The following CDH23 variants were observed in gnomAD, a reference collection of about 807,000 sequenced individuals.
CDH23 encodes the protein cadherin related 23, also known as cadherin-23.
In CDH23, 189 loss-of-function variants were observed where a neutral mutation model predicts 317.1. That is an observed-to-expected ratio of 0.60 (90% CI 0.53 to 0.67). The LOEUF is 0.67. Among genes scored for constraint, CDH23 ranks in the 30% least tolerant of loss-of-function variants. CDH23 has a pLI of 0.00. For synonymous variants in CDH23, 1,839 were observed against 1,876.8 expected (o/e 0.98, Z 0.52); for missense variants, 4,401 against 4,592.4 (o/e 0.96, Z 1.20).
intron 48 of CDH23, chr10:71,795,893 C>A (rs1841389078): frequency 1.0e-6 from 1 of 986,620 alleles, no homozygotes; most frequent in Admixed American, 6.1e-5. Flanking sequence ...TGCCTCACCC[C>A]ATTGCCTTCC....
Position 71,732,268 on chromosome 10 carries a change from G to T in CDH23, c.3997G>T (p.Val1333Leu). 6.2e-7 allele frequency: 1 copy of T among 1,613,620 alleles called. No homozygotes were observed. Among genetic ancestry groups the T allele is most frequent in the Non-Finnish European group, 8.5e-7 (1 of 1,179,722 alleles). Residue 1333 changes from valine (V) to leucine (L), a missense_variant, in exon 32 of 70, where the codon GTG (valine) becomes TTG (leucine). Physicochemically the swap from Val to Leu is conservative, Grantham distance 32. Coordinates refer to ENST00000224721, the MANE Select transcript of CDH23 (RefSeq NM_022124.6). ...LENLALGTEI[V>L]RVQAYSIDNL... ...GAATCTGGCACTGGGTACTGAGATT[G>T]TGCGGGTCCAGGCCTACTCCATCGA...
At chr10:71,697,033 C>A (rs1225243336) in intron 22 of CDH23, among the ~76,000 whole-genome samples, 1 of 152,216 alleles carries the variant, frequency 6.6e-6, no homozygotes. Flanking sequence ...TGGGAAATTC[C>A]TCCCAAAGGG....
At chr10:71,759,403 A>G (rs1840237688) in intron 38 of CDH23, among the ~76,000 whole-genome samples, 1 of 152,016 alleles carries the variant, frequency 6.6e-6, no homozygotes, top group African/African-American at 2.4e-5. Context: ...GCTACTTGGG[A>G]GAATGAAGCA....
intron 14 of CDH23, among the ~76,000 whole-genome samples, chr10:71,650,036 T>C (rs1863091692): frequency 2.6e-5 from 4 of 152,192 alleles, no homozygotes. Flanking sequence ...CCTAGTCCTT[T>C]CAGCAACCTT....
In CDH23 at chr10:71,809,830, C is replaced by T. The variant is rs781649648; in HGVS notation, c.8733C>T (p.Asp2911=). ...VGQVFTMGSM[D]GILRTFDLFM... ...TTGGGCTTCCTGCAGGGAGCATGGA[C>T]GGCATTCTGCGCACCTTCGACCTCT... Residue 2911 remains aspartate (D), a synonymous_variant, in exon 61 of 70, where the codon GAC becomes GAT. Coordinates refer to ENST00000224721, the MANE Select transcript of CDH23 (RefSeq NM_022124.6). The T allele has an allele frequency of 2.2e-5, 35 of 1,612,064 alleles. No individual in the cohort carries two copies. The highest frequency in any genetic ancestry group is 5.0e-5 in the Admixed American group (3 of 59,984).
chr10:71,560,219 T>A (rs1047564042), intron 6 of CDH23, among the ~76,000 whole-genome samples: 2 of 152,228 alleles, frequency 1.3e-5, no homozygotes, highest in Admixed American at 6.5e-5. Context: ...GAAGTGCAGA[T>A]GTTTCTCCTC....
intron 20 of CDH23, among the ~76,000 whole-genome samples, chr10:71,693,487 T>A (rs1865260525): frequency 6.6e-6 from 1 of 152,206 alleles, no homozygotes; most frequent in Non-Finnish European, 1.5e-5. Flanking sequence ...GGAAATTATT[T>A]TATAACTATT....
chr10:71,397,256 G>A lies in CDH23; in HGVS notation c.-68G>A. On this transcript the variant is annotated 5_prime_UTR_variant, in exon 1 of 70. Coordinates refer to ENST00000224721, the MANE Select transcript of CDH23 (RefSeq NM_022124.6). The surrounding 1 kb of genome is among the most constrained non-coding windows in gnomAD (Gnocchi z 4.8). ...CCAGAGCAGGCGGCCCGCGGGGGCC[G>A]ATCCGGCGGAGAGCAGAGCCCGAGG... The A allele has an allele frequency of 5.1e-6, 1 of 194,958 alleles. No homozygotes were observed. Among genetic ancestry groups the A allele is most frequent in the South Asian group, 6.1e-5 (1 of 16,382 alleles). The allele number at this position is 194,958 out of a possible 1,614,324, so 12.1% of individuals were successfully genotyped here.
rs1348305199 is a variant in CDH23, at chr10:71,550,569, A to AT, written c.430-16173_430-16172insT. On this transcript the variant is annotated intron_variant, in intron 6 of 69. Coordinates refer to ENST00000224721, the MANE Select transcript of CDH23 (RefSeq NM_022124.6). Reference sequence around the variant, plus strand: ...AGTGAGACCCTGTCTCAAAAAAAAAAAAAAAAAAGAAAAAAGAAAAAGAAA... The same window carrying AT: ...AGTGAGACCCTGTCTCAAAAAAAAAATAAAAAAAAGAAAAAAGAAAAAGAAA... Among the ~76,000 whole-genome samples the AT allele has an allele frequency of 2.7e-5, 3 of 112,750 alleles. No homozygotes were observed. In the East Asian group the frequency reaches 1.9e-3, roughly 71 times the overall value. The allele number at this position is 112,750 out of a possible 152,430, so 74.0% of individuals were successfully genotyped here. A position where few individuals can be genotyped will look rare whatever the true frequency, so the allele number is the denominator to read the frequency against.
At chr10:71,699,016 G>T (rs1865492089) in intron 22 of CDH23, among the ~76,000 whole-genome samples, 1 of 152,180 alleles carries the variant, frequency 6.6e-6, no homozygotes, top group Admixed American at 6.5e-5. Flanking sequence ...AGCGCTTACT[G>T]AGCCAAGACA....
rs1487669102 is a variant in CDH23, at chr10:71,746,947, G to A, written c.4845+5026G>A. Among the ~76,000 whole-genome samples the A allele has an allele frequency of 3.3e-5, 5 of 152,192 alleles. No individual in the cohort carries two copies. The East Asian group carries it at 9.6e-4, about 29-fold the overall frequency. On this transcript the variant is annotated intron_variant, in intron 38 of 69. Coordinates refer to ENST00000224721, the MANE Select transcript of CDH23 (RefSeq NM_022124.6). ...TACACCTCATGTCTTTAGAGCAGAG[G>A]CCCCTTCTGTTTATTAGACTTGGAC...
At position 71,809,858 on chromosome 10, in the gene CDH23, A is replaced by G. The variant is rs1430686655; in HGVS notation, c.8761A>G (p.Met2921Val). 1 of 1,613,234 alleles carries G rather than the reference A, an allele frequency of 6.2e-7. No homozygotes were observed. The highest frequency in any genetic ancestry group is 1.3e-5 in the African/African-American group (1 of 74,912). Residue 2921 changes from methionine (M) to valine (V), a missense_variant, in exon 61 of 70, where the codon ATG (methionine) becomes GTG (valine). Met to Val is a conservative substitution (Grantham distance 21). Around this residue, in one of 3 missense-constraint regions of CDH23, gnomAD observed 1,144 missense variants for 1,138.2 expected, o/e 1.01. Transcript: ENST00000224721. ...CATTCTGCGCACCTTCGACCTCTTC[A>G]TGGCCTACAGCCCCGGCTACTTCGT... Reference protein sequence around the residue: ...DGILRTFDLFMAYSPGYFVVD... With the variant: ...DGILRTFDLFVAYSPGYFVVD...
At chr10:71,594,788 C>T (rs911031622) in intron 9 of CDH23, among the ~76,000 whole-genome samples, 1 of 152,202 alleles carries the variant, frequency 6.6e-6, no homozygotes, top group Non-Finnish European at 1.5e-5. Flanking sequence ...ACACACTCTG[C>T]ATCAGTTAGA....
chr10:71,800,037 G>A (rs1278439687), intron 52 of CDH23, among the ~76,000 whole-genome samples: 1 of 152,252 alleles, frequency 6.6e-6, no homozygotes, highest in Non-Finnish European at 1.5e-5. Context: ...CTCAGTGCTG[G>A]GGAAGGGAGG....
intron 3 of CDH23, among the ~76,000 whole-genome samples, chr10:71,505,691 C>A (rs183274173): frequency 1.3e-5 from 2 of 152,206 alleles, no homozygotes; most frequent in African/African-American, 2.4e-5. Flanking sequence ...CAGCTCCCAT[C>A]TCTCTATCAT....
chr10:71,449,441 A>G (rs1404095582), intron 3 of CDH23, among the ~76,000 whole-genome samples: 1 of 152,166 alleles, frequency 6.6e-6, no homozygotes, highest in Non-Finnish European at 1.5e-5. Context: ...TCCTAAGATT[A>G]ACAGGAAACC....
At chr10:71,677,889 C>T (rs1864442461) in intron 16 of CDH23, among the ~76,000 whole-genome samples, 196 bp downstream of exon 16, 1 of 152,188 alleles carries the variant, frequency 6.6e-6, no homozygotes, top group Admixed American at 6.5e-5. Context: ...TCTCTGCCTC[C>T]TTAGCAGCTG....
At chr10:71,584,592 CAGAT>C (rs1182523936) in intron 9 of CDH23, among the ~76,000 whole-genome samples, 2 of 110,104 alleles carry the variant, frequency 1.8e-5, no homozygotes, top group Non-Finnish European at 4.3e-5. Flanking sequence ...GGAGAATAAT[CAGAT>C]ACAGTCAGAC....
intron 6 of CDH23, among the ~76,000 whole-genome samples, chr10:71,565,370 T>A (rs1465898855): frequency 6.6e-6 from 1 of 150,422 alleles, no homozygotes; most frequent in Non-Finnish European, 1.5e-5. Context: ...CTGGAGGGGG[T>A]AGAGGAAGTA....
Sources: allele counts gnomAD v4.1 joint callset (sites outside exome capture counted in the v4.1 genomes callset), GRCh38; gene constraint gnomAD v4.1.1; regional missense constraint gnomAD v4.1.1; non-coding constraint Gnocchi (gnomAD v3.1); transcripts MANE v1.5; gene names NCBI Gene and HGNC (gene_info 2026-07-23, HGNC 2026-07-21).